The following OR51B5 variants were observed in gnomAD, a reference collection of about 807,000 sequenced individuals.
OR51B5 encodes the protein olfactory receptor 51B5.
For missense variants in OR51B5, 456 were observed against 374.6 expected, an observed-to-expected ratio of 1.22 and a Z score of -1.79; for synonymous variants, 186 against 144.8, an observed-to-expected ratio of 1.28 and a Z score of -2.04.
chr11:5,400,468 A>G (rs1849952004), intron 1 of OR51B5, among the ~76,000 whole-genome samples: 1 of 151,038 alleles, frequency 6.6e-6, no homozygotes, highest in African/African-American at 2.4e-5. Context: ...TTTTTCCTGC[A>G]CTACATTGCA....
upstream of OR51B5, chr11:5,346,404 T>C (rs541649594): frequency 1.7e-4 from 26 of 151,992 alleles, no homozygotes; most frequent in African/African-American, 5.1e-4. Flanking sequence ...AAAAAAAATA[T>C]AGGGAAGGAA....
downstream of OR51B5, chr11:5,340,954 GCACTCA>G (rs1347763130): frequency 2.4e-4 from 36 of 152,194 alleles, no homozygotes; most frequent in African/African-American, 8.2e-4. Flanking sequence ...TCACATATAT[GCACTCA>G]CACTCACAAT....
At chr11:5,498,553 C>T (rs1011946311) in intron 1 of OR51B5, among the ~76,000 whole-genome samples, 4 of 152,168 alleles carry the variant, frequency 2.6e-5, no homozygotes, top group Admixed American at 1.3e-4. Flanking sequence ...CTCTTGCTCA[C>T]GAATATACCC....
chr11:5,399,007 C>G (rs141450222), intron 1 of OR51B5, among the ~76,000 whole-genome samples: 2 of 152,294 alleles, frequency 1.3e-5, no homozygotes, highest in Admixed American at 6.5e-5. Flanking sequence ...CAGTGTGAAG[C>G]CCTTAGCATT....
At chr11:5,435,958 C>T (rs1192041432) in intron 1 of OR51B5, among the ~76,000 whole-genome samples, 1 of 152,122 alleles carries the variant, frequency 6.6e-6, no homozygotes, top group Non-Finnish European at 1.5e-5. Context: ...CTGGTTCATC[C>T]TGTCCTTCTC....
At chr11:5,350,274 A>G (rs1035523666) in intron 1 of OR51B5, among the ~76,000 whole-genome samples, 15 of 152,234 alleles carry the variant, frequency 9.9e-5, no homozygotes, top group Non-Finnish European at 1.2e-4. Context: ...TATTGTTAGA[A>G]AGAGCAGAGC....
intron 1 of OR51B5, among the ~76,000 whole-genome samples, chr11:5,485,767 A>G (rs1851489257): frequency 6.6e-6 from 1 of 152,148 alleles, no homozygotes; most frequent in African/African-American, 2.4e-5. Flanking sequence ...TTGCTCAAAT[A>G]CTACCTTCCC....
intron 1 of OR51B5, among the ~76,000 whole-genome samples, chr11:5,460,743 CA>C (rs1258970807): frequency 3.9e-5 from 6 of 152,156 alleles, no homozygotes; most frequent in Admixed American, 2.6e-4. Context: ...ATCCTTTCAA[CA>C]GGGCTTTTGC....
At chr11:5,348,801 G>A (rs761705202) in intron 1 of OR51B5, among the ~76,000 whole-genome samples, 2 of 152,112 alleles carry the variant, frequency 1.3e-5, no homozygotes, top group Admixed American at 1.3e-4. Flanking sequence ...GCACACCCAG[G>A]AACAATACTT....
intron 1 of OR51B5, among the ~76,000 whole-genome samples, chr11:5,404,575 G>A (rs923959369): frequency 3.9e-5 from 6 of 152,140 alleles, no homozygotes; most frequent in East Asian, 1.9e-4. Flanking sequence ...ATGTGGGCGG[G>A]GCCAAATAAG....
At chr11:5,392,476 C>A (rs548205989) in intron 1 of OR51B5, 1 of 152,252 alleles carries the variant, frequency 6.6e-6, no homozygotes, top group South Asian at 2.1e-4. Context: ...AACAAATAGA[C>A]CACTGACATC....
At chr11:5,446,076 AG>A (rs1261390518) in intron 1 of OR51B5, among the ~76,000 whole-genome samples, 6 of 152,038 alleles carry the variant, frequency 3.9e-5, no homozygotes, top group Non-Finnish European at 5.9e-5. Flanking sequence ...GGACACAAGA[AG>A]GGGAACATCA....
At chr11:5,377,564 C>A (rs148368197) in intron 1 of OR51B5, among the ~76,000 whole-genome samples, 40,932 of 151,516 alleles carry the variant, frequency 0.27, 5,816 homozygotes, top group African/African-American at 0.33. Context: ...AGAAAACCCC[C>A]TTGTCTCAGC....
chr11:5,349,429 TG>T (rs1564914894), intron 1 of OR51B5, among the ~76,000 whole-genome samples: 1 of 152,056 alleles, frequency 6.6e-6, no homozygotes, highest in African/African-American at 2.4e-5. Context: ...ATCAATTATA[TG>T]TTTATTTAGT....
intron 1 of OR51B5, chr11:5,454,454 T>C: frequency 6.4e-7 from 1 of 1,560,664 alleles, no homozygotes; most frequent in Non-Finnish European, 8.7e-7. Flanking sequence ...TAGAATCTGT[T>C]ATTTTGGCCA....
intron 1 of OR51B5, among the ~76,000 whole-genome samples, chr11:5,409,495 CAAATTCTAGAACTAAAAA>C (rs1850110585): frequency 9.6e-6 from 1 of 103,956 alleles, no homozygotes; most frequent in Non-Finnish European, 2.1e-5. Flanking sequence ...TAATTCAATG[CAAATTCTAGAACTAAAAA>C]AAAATCTATC....
intron 1 of OR51B5, among the ~76,000 whole-genome samples, chr11:5,387,048 T>A (rs1349030138): frequency 6.6e-6 from 1 of 152,142 alleles, no homozygotes; most frequent in Non-Finnish European, 1.5e-5. Context: ...TAGAGATTAA[T>A]GTCTAAGAGC....
chr11:5,420,046 G>A (rs1439915596), intron 1 of OR51B5, among the ~76,000 whole-genome samples: 1 of 151,668 alleles, frequency 6.6e-6, no homozygotes, highest in Non-Finnish European at 1.5e-5. Flanking sequence ...TTTTAGTTAT[G>A]ATAGGTGATA....
intron 1 of OR51B5, among the ~76,000 whole-genome samples, chr11:5,446,620 A>C (rs1045853399): frequency 6.6e-6 from 1 of 152,222 alleles, no homozygotes; most frequent in African/African-American, 2.4e-5. Context: ...TGATATTTTT[A>C]TATGACTAAA....
Sources: gnomAD v4.1 joint callset for allele counts (sites outside exome capture counted in the v4.1 genomes callset) on GRCh38, gnomAD v4.1.1 for gene constraint, MANE v1.5 for transcripts, NCBI Gene and HGNC (gene_info 2026-07-23, HGNC 2026-07-21) for gene names.